The following CCDC178 variants were observed in gnomAD, a reference collection of about 807,000 sequenced individuals.
CCDC178 encodes coiled-coil domain-containing protein 178.
CCDC178 carries 126 observed loss-of-function variants against 117.4 expected under a neutral mutation model. That is an observed-to-expected ratio of 1.07 (90% CI 0.93 to 1.24). The LOEUF (loss-of-function observed/expected upper bound fraction) is 1.24. Ranked by LOEUF, CCDC178 falls within the 50% of genes most tolerant of loss-of-function variation. The pLI is 0.00. For synonymous variants in CCDC178, 283 were observed against 313.4 expected, an observed-to-expected ratio of 0.90 and a Z score of 1.02; for missense variants, 1,030 against 986.9, an observed-to-expected ratio of 1.04 and a Z score of -0.59.
chr18:33,123,625 A>C (rs1199811199), intron 20 of CCDC178, among the ~76,000 whole-genome samples: 13 of 152,160 alleles, frequency 8.5e-5, no homozygotes, highest in Non-Finnish European at 1.6e-4. Flanking sequence ...GGAAAAGACC[A>C]ATTTTCTTCA....
chr18:33,277,141 T>C (rs552717271), intron 12 of CCDC178, among the ~76,000 whole-genome samples: 7 of 152,068 alleles, frequency 4.6e-5, no homozygotes, highest in Non-Finnish European at 1.0e-4. Flanking sequence ...ATTAAAGGCA[T>C]AAGAATTAAT....
intron 20 of CCDC178, among the ~76,000 whole-genome samples, chr18:33,156,072 C>A (rs1598940687): frequency 6.9e-6 from 1 of 144,856 alleles, no homozygotes. Flanking sequence ...GTCTGGCCAG[C>A]TAGAAAACAC....
At chr18:33,160,588 G>A (rs1370879484) in intron 20 of CCDC178, among the ~76,000 whole-genome samples, 7 of 151,978 alleles carry the variant, frequency 4.6e-5, no homozygotes, top group Admixed American at 1.3e-4. Flanking sequence ...TATTTCTCTC[G>A]ATACTCTGTC....
At chr18:33,271,078 T>C (rs67560478) in intron 12 of CCDC178, among the ~76,000 whole-genome samples, 10,399 of 151,416 alleles carry the variant, frequency 0.069, 556 homozygotes, top group African/African-American at 0.14. Flanking sequence ...ATTCCACTCC[T>C]AGGGCAATTG....
intron 6 of CCDC178, among the ~76,000 whole-genome samples, chr18:33,359,151 T>C (rs956937855): frequency 5.9e-5 from 9 of 151,794 alleles, no homozygotes; most frequent in African/African-American, 1.7e-4. Flanking sequence ...CTTCAATGAA[T>C]TGTGATATAA....
intron 3 of CCDC178, among the ~76,000 whole-genome samples, chr18:33,404,633 T>C (rs1375540246): frequency 1.3e-5 from 2 of 152,068 alleles, no homozygotes; most frequent in African/African-American, 4.8e-5. Flanking sequence ...AATGAAAACA[T>C]ATGTTTGCAT....
chr18:33,147,572 C>T (rs1031082294), intron 20 of CCDC178, among the ~76,000 whole-genome samples: 1 of 151,356 alleles, frequency 6.6e-6, no homozygotes, highest in African/African-American at 2.4e-5. Context: ...GTGATGACTC[C>T]TAACGAGCAT....
At chr18:32,989,319 A>G (rs1250922162) in intron 21 of CCDC178, among the ~76,000 whole-genome samples, 1 of 152,226 alleles carries the variant, frequency 6.6e-6, no homozygotes, top group African/African-American at 2.4e-5. Flanking sequence ...ATCTAAACAT[A>G]CATTTTACCC....
In CCDC178 at chr18:33,312,167, T is replaced by C. The variant is rs548317600; in HGVS notation, c.1022+11324A>G. On this transcript the variant is annotated intron_variant, in intron 11 of 22. Transcript: ENST00000383096. ...GGTAACTAATTCTTATATTCTACCA[T>C]GTTACTCTGTCCCTGAGTTGGATGT... Among the ~76,000 whole-genome samples, 106 of 152,254 alleles carry C rather than the reference T, an allele frequency of 7.0e-4. 1 individual carries two copies. Among genetic ancestry groups the C allele is most frequent in the African/African-American group, 2.5e-3 (102 of 41,546 alleles).
At chr18:33,358,232 A>G (rs1599215757) in intron 6 of CCDC178, among the ~76,000 whole-genome samples, 2 of 152,060 alleles carry the variant, frequency 1.3e-5, no homozygotes, top group Non-Finnish European at 2.9e-5. Flanking sequence ...ATTCATGTAC[A>G]TAATAAAAAA....
chr18:33,054,554 G>A (rs2056797907), intron 21 of CCDC178, among the ~76,000 whole-genome samples: 1 of 152,140 alleles, frequency 6.6e-6, no homozygotes, highest in Non-Finnish European at 1.5e-5. Flanking sequence ...AGTTTGATGA[G>A]GATAATGGCT....
At chr18:33,238,168 C>G (rs911342525) in intron 15 of CCDC178, among the ~76,000 whole-genome samples, 1 of 152,174 alleles carries the variant, frequency 6.6e-6, no homozygotes, top group Non-Finnish European at 1.5e-5. Flanking sequence ...CCCTACATAA[C>G]GTACTCCATA....
At chr18:33,162,698 C>A (rs778334933) in intron 20 of CCDC178, among the ~76,000 whole-genome samples, 4 of 152,124 alleles carry the variant, frequency 2.6e-5, no homozygotes, top group Non-Finnish European at 5.9e-5. Flanking sequence ...GTTTTCTGTT[C>A]CTGCATTAGT....
intron 15 of CCDC178, among the ~76,000 whole-genome samples, chr18:33,234,267 T>G (rs2059401023): frequency 6.6e-6 from 1 of 152,074 alleles, no homozygotes; most frequent in African/African-American, 2.4e-5. Flanking sequence ...TTCCTTGTAT[T>G]CTCCTTCCCT....
chr18:33,022,602 T>C (rs1473948044), intron 21 of CCDC178, among the ~76,000 whole-genome samples: 1 of 152,106 alleles, frequency 6.6e-6, no homozygotes, highest in Non-Finnish European at 1.5e-5. Flanking sequence ...CAATACAATA[T>C]AGAAAAATCC....
In CCDC178 at chr18:33,370,083, A is replaced by G. The variant is rs376232207; in HGVS notation, c.315T>C (p.Asp105=). ...AATGCTCCTGTATTTTGGACTCCACATCTTGGATGTGTGAAATCATTTTGT... is the reference window on the plus strand; with the variant it reads ...AATGCTCCTGTATTTTGGACTCCACGTCTTGGATGTGTGAAATCATTTTGT... ...CVNKMISHIQ[D]VESKIQEHLK... The change falls in exon 6 of 23, where the codon GAT becomes GAC. Residue 105 remains aspartate (D), a synonymous_variant. Transcript: ENST00000383096. 1.2e-6 allele frequency: 2 copies of G among 1,602,422 alleles called. No homozygotes were observed. Among genetic ancestry groups the G allele is most frequent in the African/African-American group, 2.7e-5 (2 of 73,970 alleles).
chr18:33,023,116 A>G (rs922464852), intron 21 of CCDC178, among the ~76,000 whole-genome samples: 2 of 152,144 alleles, frequency 1.3e-5, no homozygotes, highest in Non-Finnish European at 2.9e-5. Flanking sequence ...GACGAGTAGA[A>G]AAATCCACAA....
At chr18:32,948,399 T>C (rs970464179) in intron 22 of CCDC178, among the ~76,000 whole-genome samples, 1 of 152,112 alleles carries the variant, frequency 6.6e-6, no homozygotes, top group African/African-American at 2.4e-5. Context: ...TTTTCTTTTG[T>C]GGCACAGAAG....
intron 11 of CCDC178, among the ~76,000 whole-genome samples, chr18:33,314,862 A>T (rs2062395322): frequency 6.6e-6 from 1 of 152,198 alleles, no homozygotes; most frequent in South Asian, 2.1e-4. Context: ...AACCTAAGGA[A>T]AAAAGTCCCA....
Sources: gnomAD v4.1 joint callset for allele counts (sites outside exome capture counted in the v4.1 genomes callset) on GRCh38, gnomAD v4.1.1 for gene constraint, MANE v1.5 for transcripts, NCBI Gene and HGNC (gene_info 2026-07-23, HGNC 2026-07-21) for gene names.